The following OPCML variants were observed in gnomAD, a reference collection of about 807,000 sequenced individuals.
OPCML encodes the protein opioid-binding protein/cell adhesion molecule.
OPCML carries 13 observed loss-of-function variants against 37.8 expected under a neutral mutation model. That is an observed-to-expected ratio of 0.34 (90% CI 0.22 to 0.55). The LOEUF is 0.55. Among genes scored for constraint, OPCML ranks in the 20% least tolerant of loss-of-function variants. The pLI is 0.91. For missense variants in OPCML, 341 were observed against 435.6 expected (o/e 0.78, Z 1.93); for synonymous variants, 176 against 168.8 (o/e 1.04, Z -0.33).
At chr11:132,921,745 G>C (rs953184242) in intron 2 of OPCML, among the ~76,000 whole-genome samples, 5 of 152,184 alleles carry the variant, frequency 3.3e-5, no homozygotes, top group African/African-American at 1.2e-4. Flanking sequence ...GTATGAGAAG[G>C]TGATGTCTGG....
intron 1 of OPCML, among the ~76,000 whole-genome samples, chr11:133,204,902 A>ATGTG (rs1938993182): frequency 2.0e-5 from 2 of 97,586 alleles, no homozygotes; most frequent in African/African-American, 3.5e-5. Context: ...ATATATATAT[A>ATGTG]TATATATACA....
chr11:132,885,873 A>C (rs1407451752), intron 2 of OPCML, among the ~76,000 whole-genome samples: 1 of 152,170 alleles, frequency 6.6e-6, no homozygotes, highest in Non-Finnish European at 1.5e-5. Context: ...TATCCAGTTA[A>C]CCACTTCATC....
At chr11:132,569,377 C>G (rs180752730) in intron 3 of OPCML, among the ~76,000 whole-genome samples, 85 of 152,290 alleles carry the variant, frequency 5.6e-4, no homozygotes, top group Middle Eastern at 3.4e-3. Flanking sequence ...TCATCTCAGA[C>G]TTGTAGCCTC....
At chr11:133,486,199 C>A (rs1947522702) in intron 1 of OPCML, among the ~76,000 whole-genome samples, 1 of 152,184 alleles carries the variant, frequency 6.6e-6, no homozygotes, top group Admixed American at 6.5e-5. Flanking sequence ...GTTTCATATT[C>A]ACTAAGAGAA....
In OPCML at chr11:133,402,049, C is replaced by T. The variant is rs149809430; in HGVS notation, c.61+130215G>A. ...GATTTCTTAGACAGTGTATCTTAGT[C>T]CATTTTGTGCTGCTGCAACAGAATA... On this transcript the variant is annotated intron_variant, in intron 1 of 7. Coordinates refer to ENST00000524381, the MANE Select transcript of OPCML (RefSeq NM_001012393.5). 3.9e-4 allele frequency among the ~76,000 whole-genome samples: 60 copies of T among 152,228 alleles called. 2 individuals carry two copies. The highest frequency in any genetic ancestry group is 1.4e-3 in the African/African-American group (57 of 41,534).
rs182492083 is a variant in OPCML at position 132,646,147 on chromosome 11, G to A, written c.379+10940C>T. Among the ~76,000 whole-genome samples the A allele has an allele frequency of 2.4e-3, 368 of 152,098 alleles. 2 individuals are homozygous for A. The highest frequency in any genetic ancestry group is 6.0e-3 in the South Asian group (29 of 4,802). On this transcript the variant is annotated intron_variant, in intron 3 of 7. Transcript: ENST00000524381. ...TCAGTATATACTGCTCAGGTGATGG[G>A]TGCACCAAAATCTCACAGCTCACCA...
intron 1 of OPCML, among the ~76,000 whole-genome samples, chr11:133,240,514 T>A (rs1319425862): frequency 1.3e-5 from 2 of 152,108 alleles, no homozygotes; most frequent in Non-Finnish European, 2.9e-5. Flanking sequence ...CTCAGATGTA[T>A]CCCCATCATG....
At chr11:133,355,174 A>G (rs1285785831) in intron 1 of OPCML, among the ~76,000 whole-genome samples, 2 of 152,240 alleles carry the variant, frequency 1.3e-5, no homozygotes, top group Non-Finnish European at 2.9e-5. Flanking sequence ...GTCGATGCCA[A>G]TGACTTTTCA....
intron 4 of OPCML, among the ~76,000 whole-genome samples, chr11:132,463,970 T>A (rs561960026): frequency 8.5e-5 from 13 of 152,374 alleles, no homozygotes; most frequent in African/African-American, 3.1e-4. Context: ...TTCTTCATCC[T>A]GTAAATGGAA....
intron 1 of OPCML, among the ~76,000 whole-genome samples, chr11:133,415,358 C>T (rs188330431): frequency 2.6e-5 from 4 of 151,506 alleles, no homozygotes; most frequent in Admixed American, 6.6e-5. Context: ...TGCAGTGAGC[C>T]GAGATAGTGC....
At position 133,532,268 on chromosome 11, in the gene OPCML, G is replaced by A; in HGVS notation, c.57C>T (p.Ile19=). The part of the protein sequence containing the change: ...VFSATTALLF[I]PGVPVRSGDA... The stretch of plus-strand genomic sequence containing the variant: ...CACCCTTCCCCTGTACGGTACCTGG[G>A]ATGAAGAGCAGGGCAGTTGTCGCCG... The change falls in exon 1 of 8, where the codon ATC becomes ATT. Residue 19 remains isoleucine, a synonymous_variant. Transcript: ENST00000524381. The A allele has an allele frequency of 6.2e-7, 1 of 1,613,914 alleles. No homozygotes were observed.
intron 1 of OPCML, among the ~76,000 whole-genome samples, chr11:132,983,247 A>C (rs928394508): frequency 6.6e-6 from 1 of 152,228 alleles, no homozygotes; most frequent in Non-Finnish European, 1.5e-5. Flanking sequence ...CTCTCATAGC[A>C]TCACAGTTTG....
chr11:132,742,731 A>C (rs1250759322), intron 2 of OPCML, among the ~76,000 whole-genome samples: 1 of 148,574 alleles, frequency 6.7e-6, no homozygotes, highest in Non-Finnish European at 1.5e-5. Flanking sequence ...TTGAAGTATA[A>C]TAAAAATATA....
intron 2 of OPCML, among the ~76,000 whole-genome samples, chr11:132,711,818 C>T (rs1028459060): frequency 2.6e-5 from 4 of 152,164 alleles, no homozygotes. Flanking sequence ...TGTACACAAG[C>T]ACAGAGATCC....
chr11:132,701,121 A>C (rs543403324), intron 2 of OPCML, among the ~76,000 whole-genome samples: 1 of 152,340 alleles, frequency 6.6e-6, no homozygotes, highest in Non-Finnish European at 1.5e-5. Context: ...AAGAGGTTTA[A>C]TGGACTCATA....
chr11:132,486,047 T>G (rs570570060), intron 4 of OPCML, among the ~76,000 whole-genome samples: 1 of 152,216 alleles, frequency 6.6e-6, no homozygotes, highest in South Asian at 2.1e-4. Flanking sequence ...TGCCTCTTTG[T>G]CAACACTTAG....
chr11:132,624,748 C>T (rs1939640037), intron 3 of OPCML, among the ~76,000 whole-genome samples: 1 of 152,174 alleles, frequency 6.6e-6, no homozygotes, highest in Non-Finnish European at 1.5e-5. Flanking sequence ...ACAAACATCT[C>T]AGTTCCTGCA....
At chr11:133,486,667 T>C (rs1444786405) in intron 1 of OPCML, among the ~76,000 whole-genome samples, 1 of 152,128 alleles carries the variant, frequency 6.6e-6, no homozygotes, top group East Asian at 1.9e-4. Context: ...TTCTCAAATA[T>C]CTACACTAGC....
intron 1 of OPCML, among the ~76,000 whole-genome samples, chr11:133,377,304 G>A (rs1944827107): frequency 6.6e-6 from 1 of 152,068 alleles, no homozygotes; most frequent in African/African-American, 2.4e-5. Flanking sequence ...CTGGGCTGAT[G>A]GTTGTCTCTC....
Sources: allele counts gnomAD v4.1 joint callset (sites outside exome capture counted in the v4.1 genomes callset), GRCh38; gene constraint gnomAD v4.1.1; transcripts MANE v1.5; gene names NCBI Gene and HGNC (gene_info 2026-07-23, HGNC 2026-07-21).